WDR19: variants seen among roughly 807,000 people sequenced by gnomAD.
WDR19 encodes WD repeat domain 19, also known as WD repeat-containing protein 19.
A neutral mutation model predicts 180.0 loss-of-function variants in WDR19; 121 were observed. That is an observed-to-expected ratio of 0.67 (90% confidence interval 0.58 to 0.78). The LOEUF (loss-of-function observed/expected upper bound fraction) is 0.78, where lower values mean the gene tolerates loss of function less well. WDR19 is among the 30% of genes least tolerant of loss of function. The pLI, the probability that WDR19 is intolerant of heterozygous loss-of-function variation, is 0.00. For missense variants in WDR19, 1,450 were observed against 1,640.7 expected (o/e 0.88, Z 2.01); for synonymous variants, 497 against 540.7 (o/e 0.92, Z 1.12).
intron 3 of WDR19, 27 bp downstream of exon 3, chr4:39,186,631 AC>A: frequency 6.7e-7 from 1 of 1,485,566 alleles, no homozygotes; most frequent in South Asian, 1.3e-5. Flanking sequence ...ATTTAAAAAA[AC>A]CTGTCAAGTT....
intron 36 of WDR19, among the ~76,000 whole-genome samples, chr4:39,278,913 G>A (rs1736183084): frequency 6.6e-6 from 1 of 152,154 alleles, no homozygotes; most frequent in Non-Finnish European, 1.5e-5. Flanking sequence ...AAATCTCACA[G>A]GGGTCTTTTT....
chr4:39,227,518 T>C (rs897209440), intron 15 of WDR19, among the ~76,000 whole-genome samples: 4 of 152,200 alleles, frequency 2.6e-5, no homozygotes, highest in African/African-American at 9.7e-5. Context: ...TTGTCTATAT[T>C]CCCCATACAG....
chr4:39,183,081 A>G (rs1322391896), intron 1 of WDR19, among the ~76,000 whole-genome samples: 1 of 152,104 alleles, frequency 6.6e-6, no homozygotes, highest in Non-Finnish European at 1.5e-5. Context: ...ATCACCTGCT[A>G]GCGAGTGTAC....
chr4:39,224,264 G>A (rs1027225384), intron 14 of WDR19, among the ~76,000 whole-genome samples: 1 of 152,016 alleles, frequency 6.6e-6, no homozygotes, highest in African/African-American at 2.4e-5. Context: ...TATAATAGGG[G>A]TATTTCTAGC....
At chr4:39,263,456 C>T (rs1232811525) in intron 28 of WDR19, among the ~76,000 whole-genome samples, 2 of 152,130 alleles carry the variant, frequency 1.3e-5, no homozygotes, top group East Asian at 3.9e-4. Context: ...CCTTCCCTGG[C>T]CCCTCTGCCC....
At chr4:39,275,081 T>C in intron 33 of WDR19, 123 bp downstream of exon 33, 1 of 1,221,162 alleles carries the variant, frequency 8.2e-7, no homozygotes, top group Non-Finnish European at 1.2e-6. Context: ...GGCTCACACC[T>C]ATAATCCCAA....
At chr4:39,211,365 C>T (rs7697636) in intron 9 of WDR19, among the ~76,000 whole-genome samples, 3 of 152,112 alleles carry the variant, frequency 2.0e-5, no homozygotes, top group Non-Finnish European at 2.9e-5. Flanking sequence ...AAGAAATACA[C>T]GGCACTCAGA....
In WDR19 at chr4:39,253,893, T is replaced by C. The variant is rs753800940; in HGVS notation, c.2877-13T>C. On this transcript the variant is annotated splice_polypyrimidine_tract_variant and intron_variant, in intron 25 of 36. Coordinates refer to ENST00000399820, the MANE Select transcript of WDR19 (RefSeq NM_025132.4). ...ATATTAAGAGTCTAGCTAATTAAAG[T>C]ACTTTGCTTTAGGTTTTTTCTACAG... 2.5e-6 allele frequency: 4 copies of C among 1,587,246 alleles called. No homozygotes were observed. In the African/African-American group the frequency reaches 4.1e-5, roughly 16 times the overall value.
chr4:39,273,280 A>AT, intron 32 of WDR19: 1 of 508,386 alleles, frequency 2.0e-6, no homozygotes, highest in South Asian at 3.0e-5. Flanking sequence ...CAAAGCCGAG[A>AT]TTTATCACAG....
At chr4:39,266,894 G>T (rs879436975) in intron 29 of WDR19, among the ~76,000 whole-genome samples, 1 of 152,188 alleles carries the variant, frequency 6.6e-6, no homozygotes, top group Admixed American at 6.5e-5. Context: ...GACTAGCCTG[G>T]CCAACATGGC....
Position 39,185,783 on chromosome 4 carries a change from C to CA in WDR19, c.70dup (p.Thr24AsnfsTer12), listed in dbSNP as rs769095843. The CA allele has an allele frequency of 1.9e-6, 3 of 1,556,084 alleles. No individual in the cohort carries two copies. Among genetic ancestry groups the CA allele is most frequent in the South Asian group, 2.4e-5 (2 of 84,072 alleles). ...TGGCGCACCAATACAGTTTGCCTGG[C>CA]AAAAAACATCAGGAAACTACCTTGC... On this transcript the variant is annotated frameshift_variant, in exon 2 of 37. Coordinates refer to ENST00000399820, the MANE Select transcript of WDR19 (RefSeq NM_025132.4). LOFTEE classifies it high-confidence loss of function.
intron 3 of WDR19, among the ~76,000 whole-genome samples, chr4:39,188,409 A>G (rs1343847936): frequency 6.6e-6 from 1 of 152,040 alleles, no homozygotes. Context: ...GTTATTTTCC[A>G]TCAAGATATA....
chr4:39,194,777 C>G, intron 5 of WDR19, 118 bp downstream of exon 5: 5 of 676,926 alleles, frequency 7.4e-6, no homozygotes, highest in Non-Finnish European at 1.3e-5. Flanking sequence ...ACCCCCTCCC[C>G]ATGTCCCTCC....
chr4:39,223,259 A>T (rs1255968852), intron 14 of WDR19, among the ~76,000 whole-genome samples: 1 of 152,246 alleles, frequency 6.6e-6, no homozygotes, highest in Non-Finnish European at 1.5e-5. Flanking sequence ...TGAATTTTAT[A>T]GTGTGTAAAT....
At chr4:39,245,050 C>T (rs1732370478) in intron 23 of WDR19, among the ~76,000 whole-genome samples, 1 of 151,554 alleles carries the variant, frequency 6.6e-6, no homozygotes, top group Admixed American at 6.6e-5. Context: ...AATTCTCCTG[C>T]CTCAGCCTCC....
intron 36 of WDR19, among the ~76,000 whole-genome samples, chr4:39,278,961 A>T (rs1736188365): frequency 3.3e-5 from 5 of 151,240 alleles, no homozygotes; most frequent in Admixed American, 6.6e-5. Context: ...TAATAAAAGT[A>T]TTTTTTTTTA....
rs559463185 is a variant in WDR19 at position 39,209,441 on chromosome 4, A to T, written c.890+3705A>T. On this transcript the variant is annotated intron_variant, in intron 9 of 36. Coordinates refer to ENST00000399820, the MANE Select transcript of WDR19 (RefSeq NM_025132.4). ...CCTCAAGACACTGAAAAAAGGAGCA[A>T]GATAAACATAAAGCAAAAGGAAGAA... is the stretch of plus-strand genomic sequence containing the variant. Among the ~76,000 whole-genome samples the T allele has an allele frequency of 2.0e-5, 3 of 152,298 alleles. No homozygotes were observed. The South Asian group carries it at 6.2e-4, about 32-fold the overall frequency.
In WDR19 at chr4:39,244,529, T is replaced by TAAGAATTGGTAA; in HGVS notation, c.2622_2623insAAGAATTGGTAA (p.Ser874_Val875insLysAsnTrpTer). 1 of 1,614,042 alleles carries TAAGAATTGGTAA rather than the reference T, an allele frequency of 6.2e-7. No individual in the cohort carries two copies. The highest frequency in any genetic ancestry group is 8.5e-7 in the Non-Finnish European group (1 of 1,179,876). ...GTCTCTACTACGATAAAGCAGCATC[T>TAAGAATTGGTAA]GTTTACATCCGCTCTAAGAATTGGT... is the stretch of plus-strand genomic sequence containing the variant. On this transcript the variant is annotated stop_gained and inframe_insertion, in exon 23 of 37. Coordinates refer to ENST00000399820, the MANE Select transcript of WDR19 (RefSeq NM_025132.4). LOFTEE classifies it high-confidence loss of function.
At chr4:39,265,209 G>A (rs796087402) in intron 28 of WDR19, among the ~76,000 whole-genome samples, 16 of 151,790 alleles carry the variant, frequency 1.1e-4, no homozygotes, top group African/African-American at 3.4e-4. Flanking sequence ...ATGAGCCACC[G>A]TGCCTGGCCT....
Sources: allele counts gnomAD v4.1 joint callset (sites outside exome capture counted in the v4.1 genomes callset), GRCh38; gene constraint gnomAD v4.1.1; transcripts MANE v1.5; gene names NCBI Gene and HGNC (gene_info 2026-07-23, HGNC 2026-07-21).